TENM1: variants seen among roughly 807,000 people sequenced by gnomAD.
TENM1 encodes teneurin transmembrane protein 1, also known as teneurin-1.
Under a neutral mutation model 174.8 loss-of-function variants are expected in TENM1, and 35 were observed. The ratio of observed to expected loss-of-function variants is 0.20; its 90% CI spans 0.15 to 0.27. TENM1 has a LOEUF of 0.27. Among genes scored for constraint, TENM1 ranks in the 10% least tolerant of loss-of-function variants. TENM1 has a pLI of 1.00. For synonymous variants in TENM1, 781 were observed against 798.7 expected, an observed-to-expected ratio of 0.98 and a Z score of 0.37; for missense variants, 1,633 against 2,130.1, an observed-to-expected ratio of 0.77 and a Z score of 4.59.
At chrX:124,420,212 A>G in intron 25 of TENM1, 99 bp downstream of exon 28, 1 of 929,915 alleles carries the variant, frequency 1.1e-6, no homozygotes. Flanking sequence ...TTAGGAGAAA[A>G]CAGCATGCAA....
chrX:125,004,961 AG>A, the TENM1 span, among the ~76,000 whole-genome samples: 1 of 111,153 alleles, frequency 9.0e-6, no homozygotes, highest in South Asian at 3.8e-4. Context: ...AGGATACTAG[AG>A]CAAGTTAGTG....
the TENM1 span, among the ~76,000 whole-genome samples, chrX:125,133,173 T>G: frequency 9.1e-6 from 1 of 110,388 alleles, no homozygotes; most frequent in Non-Finnish European, 1.9e-5. Flanking sequence ...TTTTTGTATT[T>G]TTAGTAGAGA....
intron 3 of TENM1, among the ~76,000 whole-genome samples, chrX:124,839,447 T>C (rs1351416526): frequency 8.9e-6 from 1 of 111,784 alleles, no homozygotes; most frequent in Non-Finnish European, 1.9e-5. Flanking sequence ...TAATATTGGT[T>C]GTGTGCACAT....
intron 3 of TENM1, among the ~76,000 whole-genome samples, chrX:124,794,014 C>T (rs767797969): frequency 9.9e-5 from 11 of 110,571 alleles, no homozygotes; most frequent in Non-Finnish European, 1.3e-4. Flanking sequence ...ATAATCCAGA[C>T]CTTTTAAATA....
intron 3 of TENM1, among the ~76,000 whole-genome samples, chrX:124,791,216 C>T (rs1216388488): frequency 8.9e-6 from 1 of 111,949 alleles, no homozygotes; most frequent in Non-Finnish European, 1.9e-5. Flanking sequence ...TATGACTATG[C>T]ATTCTATTTA....
exon 32 of TENM1, chrX:124,380,278 A>G (rs2060141786): frequency 7.0e-6 from 2 of 286,273 alleles, no homozygotes; most frequent in East Asian, 1.1e-4. Context: ...GCTTTCTGAA[A>G]ACTGTTTTTA....
chrX:125,065,613 G>A, the TENM1 span, among the ~76,000 whole-genome samples: 28 of 112,279 alleles, frequency 2.5e-4, no homozygotes, highest in South Asian at 2.6e-3. Flanking sequence ...TTACAAAAGC[G>A]TCTTGACCTT....
chrX:125,160,060 C>T, the TENM1 span, among the ~76,000 whole-genome samples: 5 of 108,962 alleles, frequency 4.6e-5, no homozygotes, highest in African/African-American at 1.7e-4. Flanking sequence ...CTTAGCCAGG[C>T]GTGGTGGCAG....
rs182888277 is a variant in TENM1, at chrX:124,861,734, A to G, written c.535+32562T>C. 1.8e-4 allele frequency among the ~76,000 whole-genome samples: 20 copies of G among 112,472 alleles called. No individual in the cohort carries two copies. The East Asian group carries it at 5.6e-3, about 31-fold the overall frequency. ...TTAATTTAGGCAATGTCTTATATGA[A>G]TCGACCTATTTGACAATTTTGATCA... On this transcript the variant is annotated intron_variant, in intron 3 of 31. Transcript: ENST00000422452.
chrX:124,796,111 T>C (rs2055299711), intron 3 of TENM1, among the ~76,000 whole-genome samples: 1 of 111,516 alleles, frequency 9.0e-6, no homozygotes, highest in South Asian at 3.8e-4. Flanking sequence ...AAAGAGGATT[T>C]TCTTTTTACA....
At chrX:124,972,494 G>A in the TENM1 span, among the ~76,000 whole-genome samples, 1 of 111,690 alleles carries the variant, frequency 9.0e-6, no homozygotes, top group Non-Finnish European at 1.9e-5. Flanking sequence ...GTGGCTGCTT[G>A]ATTGACTTCA....
the TENM1 span, among the ~76,000 whole-genome samples, chrX:125,106,137 C>CT: frequency 1.8e-5 from 2 of 111,861 alleles, no homozygotes; most frequent in Non-Finnish European, 3.8e-5. Context: ...TCAGAGAGGG[C>CT]TTTTTAATAA....
At chrX:124,589,227 A>C (rs1451105604) in intron 11 of TENM1, among the ~76,000 whole-genome samples, 1 of 110,438 alleles carries the variant, frequency 9.1e-6, no homozygotes, top group African/African-American at 3.3e-5. Flanking sequence ...AATCACTCTT[A>C]CGTCCCAGGG....
At chrX:124,680,525 A>G (rs1213311229) in intron 5 of TENM1, among the ~76,000 whole-genome samples, 3 of 110,876 alleles carry the variant, frequency 2.7e-5, no homozygotes, top group Non-Finnish European at 5.7e-5. Flanking sequence ...TGTATTCCTT[A>G]TCAGACAGAC....
the TENM1 span, among the ~76,000 whole-genome samples, chrX:125,116,875 G>A: frequency 2.4e-4 from 27 of 110,665 alleles, no homozygotes; most frequent in Middle Eastern, 4.7e-3. Flanking sequence ...GCCAGGTGTA[G>A]TGGTGTGCGC....
chrX:124,737,021 T>C, exon 4 of TENM1: 1 of 1,211,785 alleles, frequency 8.3e-7, no homozygotes, highest in Non-Finnish European at 1.1e-6. Context: ...GAATCCTGCG[T>C]GCTGGTTGGG....
the TENM1 span, among the ~76,000 whole-genome samples, chrX:125,130,387 A>G: frequency 9.0e-6 from 1 of 111,243 alleles, no homozygotes; most frequent in Non-Finnish European, 1.9e-5. Context: ...AAATACTAGT[A>G]AATCATAGTG....
chrX:124,487,248 C>A lies in TENM1; in HGVS notation c.3696-19G>T. Reference sequence around the variant, plus strand: ...TCTGTTTCTAGGGTGCACAAGGTATCCACGAGTGGCAAGCAAAAGCAAACA... The same window carrying A: ...TCTGTTTCTAGGGTGCACAAGGTATACACGAGTGGCAAGCAAAAGCAAACA... On this transcript the variant is annotated intron_variant, in intron 20 of 31. Transcript: ENST00000422452. The A allele has an allele frequency of 8.6e-7, 1 of 1,162,747 alleles. No individual in the cohort carries two copies. Among genetic ancestry groups the A allele is most frequent in the Non-Finnish European group, 1.1e-6 (1 of 869,630 alleles).
At chrX:124,498,371 A>C (rs1218419345) in intron 19 of TENM1, among the ~76,000 whole-genome samples, 2 of 110,792 alleles carry the variant, frequency 1.8e-5, no homozygotes, top group Admixed American at 1.9e-4. Context: ...CATAGAGATT[A>C]TTTCAGTCTG....
Sources: gnomAD v4.1 joint callset for allele counts (sites outside exome capture counted in the v4.1 genomes callset) on GRCh38, gnomAD v4.1.1 for gene constraint, MANE v1.5 for transcripts, NCBI Gene and HGNC (gene_info 2026-07-23, HGNC 2026-07-21) for gene names.